The following UNC13B variants were observed in gnomAD, a reference collection of about 807,000 sequenced individuals.
UNC13B encodes unc-13 homolog B, also known as protein unc-13 homolog B.
A neutral mutation model predicts 211.0 loss-of-function variants in UNC13B; 144 were observed. That is an observed-to-expected ratio of 0.68 (90% CI 0.60 to 0.78). The LOEUF is 0.78. Among genes scored for constraint, UNC13B ranks in the 30% least tolerant of loss-of-function variants. The pLI is 0.00. For missense variants in UNC13B, 1,777 were observed against 2,002.0 expected, an observed-to-expected ratio of 0.89 and a Z score of 2.14; for synonymous variants, 709 against 725.8, an observed-to-expected ratio of 0.98 and a Z score of 0.37.
intron 10 of UNC13B, among the ~76,000 whole-genome samples, chr9:35,313,563 T>G (rs1487982827): frequency 1.3e-5 from 2 of 151,506 alleles, no homozygotes; most frequent in Non-Finnish European, 2.9e-5. Context: ...AGATTAAGGC[T>G]GCAGTGAGCC....
At chr9:35,270,755 A>C (rs1345102201) in intron 7 of UNC13B, among the ~76,000 whole-genome samples, 1 of 152,202 alleles carries the variant, frequency 6.6e-6, no homozygotes, top group African/African-American at 2.4e-5. Context: ...AAGTTAATCA[A>C]GGTTCACACA....
chr9:35,342,191 A>G (rs1832043390), intron 11 of UNC13B: 1 of 985,572 alleles, frequency 1.0e-6, no homozygotes, highest in Non-Finnish European at 1.2e-6. Context: ...GCTTTGGCTC[A>G]GAAAGTTCGT....
At chr9:35,199,166 A>G (rs1209374138) in intron 1 of UNC13B, among the ~76,000 whole-genome samples, 1 of 152,186 alleles carries the variant, frequency 6.6e-6, no homozygotes, top group Non-Finnish European at 1.5e-5. Flanking sequence ...TACAAAGGAC[A>G]TGAACTCATC....
Position 35,395,304 on chromosome 9 carries a change from T to C in UNC13B, c.11309-1172T>C, listed in dbSNP as rs575640593. Among the ~76,000 whole-genome samples the C allele has an allele frequency of 2.6e-5, 4 of 152,352 alleles. No individual in the cohort carries two copies. The South Asian group carries it at 8.3e-4, about 32-fold the overall frequency. On this transcript the variant is annotated intron_variant, in intron 26 of 39. Coordinates refer to ENST00000635942, the MANE Select transcript of UNC13B (RefSeq NM_001371189.2). The stretch of plus-strand genomic sequence containing the variant: ...CCCTCTTCTCCTGCTCACTGCTTCA[T>C]AGAAGAGACTGCAAATGCAACTTTA...
intron 1 of UNC13B, among the ~76,000 whole-genome samples, chr9:35,204,348 C>T (rs1017016462): frequency 2.0e-5 from 3 of 152,186 alleles, no homozygotes; most frequent in Admixed American, 6.5e-5. Context: ...GGAGCCCCCC[C>T]ACAGAGTCCA....
At chr9:35,396,755 C>A (rs964669751) in intron 27 of UNC13B, 86 bp from the exon 28 acceptor site, 7 of 1,600,182 alleles carry the variant, frequency 4.4e-6, no homozygotes, top group Non-Finnish European at 6.0e-6. Flanking sequence ...CCTGCCATCC[C>A]GAGGACCCCA....
At chr9:35,271,821 G>A (rs1006397154) in intron 7 of UNC13B, among the ~76,000 whole-genome samples, 10 of 152,164 alleles carry the variant, frequency 6.6e-5, no homozygotes, top group African/African-American at 2.2e-4. Flanking sequence ...AGCATGTGAC[G>A]AAGGTTTGGT....
Position 35,308,300 on chromosome 9 carries a change from C to T in UNC13B, c.8896C>T (p.His2966Tyr), listed in dbSNP as rs1029770843. ...EEPSTVSEIF[H>Y]QLEKQEEEAV... ...ACCCTCCACTGTCTCTGAGATATTT[C>T]ACCAGCTAGAAAAACAAGAAGAGGA... Residue 2966 changes from histidine (H) to tyrosine (Y), a missense_variant, in exon 9 of 40, where the codon CAC (histidine) becomes TAC (tyrosine). Transcript: ENST00000635942. 1.5e-5 allele frequency: 6 copies of T among 398,984 alleles called. No homozygotes were observed. The highest frequency in any genetic ancestry group is 1.0e-4 in the African/African-American group (5 of 48,622). The allele number at this position is 398,984 out of a possible 1,614,324, so 24.7% of individuals were successfully genotyped here.
intron 1 of UNC13B, among the ~76,000 whole-genome samples, chr9:35,169,823 C>T (rs989291883): frequency 2.0e-5 from 3 of 152,178 alleles, no homozygotes; most frequent in African/African-American, 4.8e-5. Flanking sequence ...AAGTTGGGCT[C>T]TTTAGGCCAA....
At chr9:35,232,381 T>G (rs1825267137) in intron 3 of UNC13B, among the ~76,000 whole-genome samples, 1 of 151,494 alleles carries the variant, frequency 6.6e-6, no homozygotes, top group Admixed American at 6.6e-5. Flanking sequence ...GGGGTTTCAC[T>G]ATGTTGCCCA....
In UNC13B at chr9:35,304,183, G is replaced by C; in HGVS notation, c.4779G>C (p.Lys1593Asn). The C allele has an allele frequency of 2.5e-6, 1 of 398,748 alleles. No homozygotes were observed. Among genetic ancestry groups the C allele is most frequent in the Admixed American group, 4.4e-5 (1 of 22,714 alleles). The allele number at this position is 398,748 out of a possible 1,614,324, so 24.7% of individuals were successfully genotyped here. A position where few individuals can be genotyped will look rare whatever the true frequency, so the allele number is the denominator to read the frequency against. ...CCTGTAGTTTTAAAGTACTTGATAA[G>C]GAAGATGAAATATTTTGGTATGTTG... ...ISACSFKVLDKEDEIFWYVEE... is the reference protein window; with the variant it reads ...ISACSFKVLDNEDEIFWYVEE... Residue 1593 changes from lysine (K) to asparagine (N), a missense_variant, in exon 9 of 40, where the codon AAG (lysine) becomes AAC (asparagine). By Grantham distance (94) the Lys-to-Asn change is moderately conservative. Coordinates refer to ENST00000635942, the MANE Select transcript of UNC13B (RefSeq NM_001371189.2).
At chr9:35,260,145 G>C (rs1239437908) in intron 7 of UNC13B, among the ~76,000 whole-genome samples, 1 of 151,300 alleles carries the variant, frequency 6.6e-6, no homozygotes, top group East Asian at 1.9e-4. Flanking sequence ...GGGAAATCGA[G>C]GCTGTAGTGA....
At chr9:35,224,286 G>A (rs113069345) in intron 1 of UNC13B, among the ~76,000 whole-genome samples, 2,481 of 152,200 alleles carry the variant, frequency 0.016, 53 homozygotes, top group African/African-American at 0.057. Context: ...TGCATAGTAC[G>A]TTTTTCCATT....
chr9:35,320,544 T>C (rs1830689807), intron 11 of UNC13B, among the ~76,000 whole-genome samples: 1 of 152,210 alleles, frequency 6.6e-6, no homozygotes, highest in African/African-American at 2.4e-5. Context: ...ACATATAGAA[T>C]TATTTATATT....
At chr9:35,162,333 C>T in intron 1 of UNC13B, 28 bp downstream of exon 1, 4 of 1,529,856 alleles carry the variant, frequency 2.6e-6, no homozygotes, top group South Asian at 1.2e-5. Flanking sequence ...GGCGGGGAGG[C>T]GGGGTGTCGG....
In UNC13B at chr9:35,253,432, C is replaced by T. The variant is rs924938572; in HGVS notation, c.469-5561C>T. Among the ~76,000 whole-genome samples the T allele has an allele frequency of 2.7e-5, 4 of 150,828 alleles. No homozygotes were observed. The East Asian group carries it at 5.8e-4, about 22-fold the overall frequency. On this transcript the variant is annotated intron_variant, in intron 6 of 39. Transcript: ENST00000635942. ...CTTCAAGTTGGCTTTTTTCTCTTCT[C>T]TTTTTCTATTTTTATCATGAAAAAA...
chr9:35,183,168 C>T (rs572275363), intron 1 of UNC13B, among the ~76,000 whole-genome samples: 2 of 137,440 alleles, frequency 1.5e-5, no homozygotes, highest in South Asian at 2.4e-4. Context: ...CCAGATGGGG[C>T]GGCCGGGCAG....
At chr9:35,203,201 G>T (rs1823421359) in intron 1 of UNC13B, among the ~76,000 whole-genome samples, 1 of 152,188 alleles carries the variant, frequency 6.6e-6, no homozygotes, top group Non-Finnish European at 1.5e-5. Context: ...CTGTCATTAT[G>T]ATGTTAGCTG....
chr9:35,234,579 G>A (rs1345296108), intron 3 of UNC13B, among the ~76,000 whole-genome samples: 1 of 152,130 alleles, frequency 6.6e-6, no homozygotes, highest in East Asian at 1.9e-4. Context: ...TAGTGGCTAG[G>A]CTTATTCATC....
Sources: allele counts gnomAD v4.1 joint callset (sites outside exome capture counted in the v4.1 genomes callset), GRCh38; gene constraint gnomAD v4.1.1; transcripts MANE v1.5; gene names NCBI Gene and HGNC (gene_info 2026-07-23, HGNC 2026-07-21).